Variants in SYNE3 observed in about 807,000 individuals in gnomAD.
SYNE3 encodes the protein nesprin-3.
Under a neutral mutation model 111.2 loss-of-function variants are expected in SYNE3, and 100 were observed. The ratio of observed to expected loss-of-function variants is 0.90; its 90% confidence interval spans 0.77 to 1.06. The LOEUF is 1.06. SYNE3 is among the 50% of genes least tolerant of loss of function. The probability of loss-of-function intolerance (pLI) is 0.00; values close to 1 mark genes in which losing one functional copy is unlikely to be tolerated. For missense variants in SYNE3, 1,160 were observed against 1,240.3 expected, an observed-to-expected ratio of 0.94 and a Z score of 0.97; for synonymous variants, 547 against 533.9, an observed-to-expected ratio of 1.02 and a Z score of -0.34.
rs114326053 is a variant in SYNE3, at chr14:95,455,356, G to A, written c.1137+21C>T. 1,391 of 1,510,166 alleles carry A rather than the reference G, an allele frequency of 9.2e-4. 14 individuals carry two copies. The African/African-American group carries it at 0.018, about 19-fold the overall frequency. The allele number at this position is 1,510,166 out of a possible 1,614,324, so 93.5% of individuals were successfully genotyped here. Reference sequence around the variant, plus strand: ...GCACAGACAGCACCCTGGGCTCCATGACTCGGCCAAGCACGCTTACCGAGT... The same window carrying A: ...GCACAGACAGCACCCTGGGCTCCATAACTCGGCCAAGCACGCTTACCGAGT... On this transcript the variant is annotated intron_variant, in intron 6 of 17. Transcript: ENST00000682763.
intron 17 of SYNE3, among the ~76,000 whole-genome samples, chr14:95,420,719 C>G (rs1205215360): frequency 1.3e-5 from 2 of 151,558 alleles, no homozygotes; most frequent in East Asian, 3.9e-4. Flanking sequence ...AAAACACACA[C>G]ACACACACAT....
chr14:95,515,491 T>C (rs367843224), intron 1 of SYNE3, among the ~76,000 whole-genome samples: 1 of 152,098 alleles, frequency 6.6e-6, no homozygotes, highest in East Asian at 1.9e-4. Context: ...TCCCCCTCTC[T>C]GGGCCTGTTT....
chr14:95,461,191 G>T (rs897380286), intron 4 of SYNE3, among the ~76,000 whole-genome samples: 5 of 152,234 alleles, frequency 3.3e-5, no homozygotes, highest in African/African-American at 1.2e-4. Context: ...GGGTGGTGCG[G>T]ATTTATGCCT....
chr14:95,515,353 G>C (rs1285380121), intron 1 of SYNE3, among the ~76,000 whole-genome samples: 1 of 152,216 alleles, frequency 6.6e-6, no homozygotes, highest in African/African-American at 2.4e-5. Flanking sequence ...AAAACAGCTC[G>C]TTGGCACTGA....
chr14:95,471,660 C>T (rs1234118340), intron 2 of SYNE3, among the ~76,000 whole-genome samples: 3 of 152,226 alleles, frequency 2.0e-5, no homozygotes, highest in Non-Finnish European at 2.9e-5. Flanking sequence ...TTTTTCACTG[C>T]GCTGATGATT....
chr14:95,423,900 TTTGATGGGGATGAG>T, intron 17 of SYNE3, among the ~76,000 whole-genome samples: 1 of 64,810 alleles, frequency 1.5e-5, no homozygotes, highest in Non-Finnish European at 3.5e-5. Context: ...GGGATGGGGA[TTTGATGGGGATGAG>T]GATTTGATGG....
intron 1 of SYNE3, among the ~76,000 whole-genome samples, chr14:95,493,326 G>C (rs1005146716): frequency 6.6e-6 from 1 of 152,174 alleles, no homozygotes; most frequent in Non-Finnish European, 1.5e-5. Flanking sequence ...CAACTTTAAT[G>C]GTTGGTATAA....
chr14:95,482,052 G>A lies in SYNE3; in HGVS notation c.-14-6217C>T, dbSNP rs530850482. 9.4e-4 allele frequency among the ~76,000 whole-genome samples: 143 copies of A among 152,358 alleles called. 2 individuals carry two copies. Among genetic ancestry groups the A allele is most frequent in the African/African-American group, 3.3e-3 (137 of 41,582 alleles). On this transcript the variant is annotated intron_variant, in intron 1 of 17. Coordinates refer to ENST00000682763, the MANE Select transcript of SYNE3 (RefSeq NM_152592.6). The stretch of plus-strand genomic sequence containing the variant: ...CTGGGTGGGGCCCCTACTTGGCTTT[G>A]CAATGCCACTGGTGAGGGGCTGATG...
Position 95,486,229 on chromosome 14 carries a change from C to G in SYNE3, c.-14-10394G>C, listed in dbSNP as rs566490304. On this transcript the variant is annotated intron_variant, in intron 1 of 17. Transcript: ENST00000682763. ...GCCAGCCCCCAGGCCCCCATCACCC[C>G]CAAGAAGATCTGGCCCAGTGGGGCA... 4.6e-5 allele frequency among the ~76,000 whole-genome samples: 7 copies of G among 152,248 alleles called. No homozygotes were observed. The South Asian group carries it at 1.5e-3, about 32-fold the overall frequency.
At chr14:95,512,313 T>C (rs1273102045) in intron 1 of SYNE3, among the ~76,000 whole-genome samples, 1 of 152,196 alleles carries the variant, frequency 6.6e-6, no homozygotes, top group Non-Finnish European at 1.5e-5. Context: ...TTTAATTTCA[T>C]TTGTATTATG....
intron 14 of SYNE3, 97 bp from the exon 15 acceptor site, chr14:95,437,078 G>A: frequency 6.7e-7 from 1 of 1,498,210 alleles, no homozygotes; most frequent in Non-Finnish European, 9.1e-7. Context: ...CAGGGACCAG[G>A]ACAAGATGCC....
chr14:95,468,920 G>C (rs1490528354), intron 2 of SYNE3, among the ~76,000 whole-genome samples: 2 of 152,066 alleles, frequency 1.3e-5, no homozygotes, highest in Non-Finnish European at 2.9e-5. Flanking sequence ...AAATATGACT[G>C]GATTCCAATC....
chr14:95,449,069 T>A (rs17092301), intron 8 of SYNE3, among the ~76,000 whole-genome samples: 43,418 of 152,018 alleles, frequency 0.29, 6,662 homozygotes, highest in African/African-American at 0.41. Flanking sequence ...TTTATGGACT[T>A]CAGAGTTCAA....
At chr14:95,444,451 G>T (rs773453052) in intron 10 of SYNE3, 34 bp downstream of exon 10, 1 of 1,578,262 alleles carries the variant, frequency 6.3e-7, no homozygotes, top group Non-Finnish European at 8.6e-7. Context: ...TGAGCACCTG[G>T]GCAGGAGTGA....
intron 6 of SYNE3, among the ~76,000 whole-genome samples, chr14:95,455,025 C>G (rs992562730): frequency 1.3e-5 from 2 of 152,088 alleles, no homozygotes; most frequent in African/African-American, 4.8e-5. Context: ...CCCTGTTCCA[C>G]GCAGAGGAAG....
intron 17 of SYNE3, among the ~76,000 whole-genome samples, chr14:95,422,745 G>A (rs1036395093): frequency 2.0e-5 from 3 of 152,172 alleles, no homozygotes; most frequent in Non-Finnish European, 4.4e-5. Flanking sequence ...TGGAGGGTGC[G>A]CCCGCCCCAC....
At chr14:95,459,205 G>A (rs1887643107) in intron 4 of SYNE3, among the ~76,000 whole-genome samples, 1 of 152,196 alleles carries the variant, frequency 6.6e-6, no homozygotes, top group Non-Finnish European at 1.5e-5. Context: ...TATGAACACT[G>A]ACAGGTTTTT....
intron 1 of SYNE3, among the ~76,000 whole-genome samples, chr14:95,489,974 A>G (rs1298077073): frequency 6.6e-6 from 1 of 152,210 alleles, no homozygotes; most frequent in Admixed American, 6.5e-5. Flanking sequence ...TCATGGTTCC[A>G]GCGTGGGCTC....
At chr14:95,477,408 T>C (rs1048227233) in intron 1 of SYNE3, among the ~76,000 whole-genome samples, 6 of 152,224 alleles carry the variant, frequency 3.9e-5, no homozygotes, top group African/African-American at 7.2e-5. Flanking sequence ...TGTTTTTTTT[T>C]CCCTTATTTT....
Sources: gnomAD v4.1 joint callset for allele counts (sites outside exome capture counted in the v4.1 genomes callset) on GRCh38, gnomAD v4.1.1 for gene constraint, MANE v1.5 for transcripts, NCBI Gene and HGNC (gene_info 2026-07-23, HGNC 2026-07-21) for gene names.